Variants in ASIC2 observed in about 807,000 individuals in gnomAD.
ASIC2 encodes acid-sensing ion channel 2.
ASIC2 carries 25 observed loss-of-function variants against 57.3 expected under a neutral mutation model. The ratio of observed to expected loss-of-function variants is 0.44; its 90% CI spans 0.32 to 0.61. The LOEUF (loss-of-function observed/expected upper bound fraction) is 0.61, where lower values mean the gene tolerates loss of function less well. Ranked by LOEUF, ASIC2 falls within the 20% of genes least tolerant of loss-of-function variation. The pLI is 0.06. For synonymous variants in ASIC2, 319 were observed against 307.5 expected, an observed-to-expected ratio of 1.04 and a Z score of -0.39; for missense variants, 641 against 738.1, an observed-to-expected ratio of 0.87 and a Z score of 1.52.
intron 1 of ASIC2, among the ~76,000 whole-genome samples, chr17:33,515,027 G>C (rs1342503495): frequency 1.3e-5 from 2 of 152,222 alleles, no homozygotes; most frequent in Non-Finnish European, 2.9e-5. Flanking sequence ...TGTGTCCACG[G>C]ATATGTGCCC....
At chr17:33,277,573 C>G (rs1431861916) in intron 1 of ASIC2, among the ~76,000 whole-genome samples, 1 of 152,170 alleles carries the variant, frequency 6.6e-6, no homozygotes, top group African/African-American at 2.4e-5. Context: ...CCTGACCTAA[C>G]GTTTTGGAGG....
At chr17:33,069,392 G>C (rs928966533) in intron 3 of ASIC2, among the ~76,000 whole-genome samples, 9 of 152,126 alleles carry the variant, frequency 5.9e-5, no homozygotes, top group Admixed American at 2.0e-4. Context: ...ATCCTTGCTG[G>C]TTTTCTGTCT....
intron 1 of ASIC2, among the ~76,000 whole-genome samples, chr17:33,206,708 A>C (rs190882715): frequency 4.6e-5 from 7 of 152,262 alleles, no homozygotes; most frequent in African/African-American, 1.7e-4. Flanking sequence ...GAGGGGATAC[A>C]AATAAAGTGG....
intron 1 of ASIC2, among the ~76,000 whole-genome samples, chr17:33,669,421 T>A (rs970458115): frequency 2.6e-5 from 4 of 152,236 alleles, no homozygotes; most frequent in Non-Finnish European, 4.4e-5. Flanking sequence ...CATAAATGTG[T>A]GTATATCTAA....
chr17:33,910,651 T>C (rs1400886670), intron 1 of ASIC2, among the ~76,000 whole-genome samples: 2 of 152,168 alleles, frequency 1.3e-5, no homozygotes, highest in African/African-American at 4.8e-5. Context: ...GGTGCATTCA[T>C]CACTGCCTGT....
Position 33,029,618 on chromosome 17 carries a change from A to G in ASIC2, c.988-1226T>C, listed in dbSNP as rs73273985. Reference sequence around the variant, plus strand: ...TTTATACATAAGTCATTTTGTGGACATATGTTTTAATTTCTCTTGAGTAAA... The same window carrying G: ...TTTATACATAAGTCATTTTGTGGACGTATGTTTTAATTTCTCTTGAGTAAA... On this transcript the variant is annotated intron_variant, in intron 3 of 9. Coordinates refer to ENST00000225823, the MANE Select transcript of ASIC2 (RefSeq NM_183377.2). 3.3e-5 allele frequency among the ~76,000 whole-genome samples: 5 copies of G among 152,338 alleles called. No homozygotes were observed. The South Asian group carries it at 1.0e-3, about 32-fold the overall frequency.
chr17:33,756,039 A>T (rs908032434), intron 1 of ASIC2, among the ~76,000 whole-genome samples: 2 of 152,264 alleles, frequency 1.3e-5, no homozygotes, highest in East Asian at 3.8e-4. Flanking sequence ...CCCAGCCGGC[A>T]GCTCTGCTTC....
chr17:33,806,554 C>T (rs140333178), intron 1 of ASIC2, among the ~76,000 whole-genome samples: 2 of 152,342 alleles, frequency 1.3e-5, no homozygotes, highest in African/African-American at 4.8e-5. Flanking sequence ...AAGGAGCCTG[C>T]TTCTTTAAAG....
intron 1 of ASIC2, among the ~76,000 whole-genome samples, chr17:33,125,143 TG>T (rs1200364643): frequency 6.6e-6 from 1 of 152,144 alleles, no homozygotes; most frequent in Non-Finnish European, 1.5e-5. Flanking sequence ...GTCTGTGGCC[TG>T]GGGGTTGGGG....
chr17:33,048,603 C>A (rs943492091), intron 3 of ASIC2, among the ~76,000 whole-genome samples: 1 of 152,310 alleles, frequency 6.6e-6, no homozygotes, highest in South Asian at 2.1e-4. Context: ...TCAAGAGAGA[C>A]CACGTCATCT....
At chr17:33,830,464 T>A (rs1913068354) in intron 1 of ASIC2, among the ~76,000 whole-genome samples, 1 of 152,162 alleles carries the variant, frequency 6.6e-6, no homozygotes, top group Non-Finnish European at 1.5e-5. Context: ...CATGTGGACC[T>A]CCCATCTCTA....
At chr17:33,236,683 A>C (rs319765) in intron 1 of ASIC2, among the ~76,000 whole-genome samples, 92,427 of 151,946 alleles carry the variant, frequency 0.61, 29,792 homozygotes, top group Non-Finnish European at 0.73. Flanking sequence ...GAGGATTTTG[A>C]GACAAAATCA....
chr17:33,227,150 C>A (rs1907912253), intron 1 of ASIC2, among the ~76,000 whole-genome samples: 1 of 152,188 alleles, frequency 6.6e-6, no homozygotes. Context: ...CCAAGGCCTC[C>A]TCCACTCTGT....
At chr17:33,356,294 A>G (rs1306709112) in intron 1 of ASIC2, among the ~76,000 whole-genome samples, 1 of 152,090 alleles carries the variant, frequency 6.6e-6, no homozygotes, top group Non-Finnish European at 1.5e-5. Flanking sequence ...TCATCATTCC[A>G]TTTTATTCAG....
At chr17:33,359,307 A>G (rs1258592245) in intron 1 of ASIC2, among the ~76,000 whole-genome samples, 1 of 152,256 alleles carries the variant, frequency 6.6e-6, no homozygotes, top group East Asian at 1.9e-4. Flanking sequence ...GTTTCTAGGT[A>G]GCACTGATTC....
At chr17:34,115,605 T>A (rs1032837641) in intron 1 of ASIC2, among the ~76,000 whole-genome samples, 1 of 152,206 alleles carries the variant, frequency 6.6e-6, no homozygotes, top group African/African-American at 2.4e-5. Context: ...TAACTTCTAT[T>A]CTTGTGTGGC....
At chr17:33,320,173 C>G (rs965366681) in intron 1 of ASIC2, among the ~76,000 whole-genome samples, 1 of 152,168 alleles carries the variant, frequency 6.6e-6, no homozygotes, top group African/African-American at 2.4e-5. Context: ...AAATCAGAAG[C>G]TGAACATCTT....
At chr17:33,734,480 T>C (rs1040435556) in intron 1 of ASIC2, among the ~76,000 whole-genome samples, 3 of 152,336 alleles carry the variant, frequency 2.0e-5, no homozygotes, top group Admixed American at 6.5e-5. Context: ...CCCGCACTTC[T>C]GGATTGCTGC....
chr17:33,739,289 G>A (rs967798336), intron 1 of ASIC2, among the ~76,000 whole-genome samples: 2 of 152,190 alleles, frequency 1.3e-5, no homozygotes, highest in Non-Finnish European at 2.9e-5. Context: ...ACCAAAAAGA[G>A]GGGATTTGAG....
Sources: gnomAD v4.1 joint callset for allele counts (sites outside exome capture counted in the v4.1 genomes callset) on GRCh38, gnomAD v4.1.1 for gene constraint, MANE v1.5 for transcripts, NCBI Gene and HGNC (gene_info 2026-07-23, HGNC 2026-07-21) for gene names.